The following PDE8A variants were observed in gnomAD, a reference collection of about 807,000 sequenced individuals.
The protein encoded by PDE8A is phosphodiesterase 8A.
PDE8A carries 59 observed loss-of-function variants against 105.0 expected under a neutral mutation model. The ratio of observed to expected loss-of-function variants is 0.56; its 90% confidence interval spans 0.46 to 0.70. The LOEUF is 0.70. Ranked by LOEUF, PDE8A falls within the 30% of genes least tolerant of loss-of-function variation. The pLI is 0.00. For missense variants in PDE8A, 1,014 were observed against 1,045.9 expected (o/e 0.97, Z 0.42); for synonymous variants, 355 against 371.9 (o/e 0.95, Z 0.52).
chr15:85,081,336 A>G (rs1464934448), intron 5 of PDE8A, among the ~76,000 whole-genome samples: 2 of 152,174 alleles, frequency 1.3e-5, no homozygotes, highest in East Asian at 1.9e-4. Flanking sequence ...AATCACCTGA[A>G]TAACATCCCT....
intron 3 of PDE8A, among the ~76,000 whole-genome samples, chr15:85,070,658 A>G (rs1335225197): frequency 2.0e-5 from 3 of 152,174 alleles, no homozygotes; most frequent in African/African-American, 2.4e-5. Flanking sequence ...GCTCAGTGCT[A>G]GATGGCTGCT....
At chr15:85,017,133 C>A (rs972778117) in intron 1 of PDE8A, among the ~76,000 whole-genome samples, 1 of 151,344 alleles carries the variant, frequency 6.6e-6, no homozygotes, top group African/African-American at 2.4e-5. Context: ...CGGTGGCGGG[C>A]GCCTGTAGTC....
Position 85,099,365 on chromosome 15 carries a change from C to T in PDE8A, c.942-650C>T, listed in dbSNP as rs560226874. ...CGTGCTTTGTCACCAGGCTTTGCTG[C>T]CAGTTGGTGATCGCCTCAGGGAGAT... is the stretch of plus-strand genomic sequence containing the variant. On this transcript the variant is annotated intron_variant, in intron 9 of 21. Coordinates refer to ENST00000394553, the MANE Select transcript of PDE8A (RefSeq NM_002605.3). Among the ~76,000 whole-genome samples the T allele has an allele frequency of 4.7e-4, 71 of 152,344 alleles. 1 individual carries two copies. Among genetic ancestry groups the T allele is most frequent in the Admixed American group, 4.1e-3 (62 of 15,296 alleles).
chr15:85,007,025 G>T (rs1026364884), intron 1 of PDE8A, among the ~76,000 whole-genome samples: 2 of 152,196 alleles, frequency 1.3e-5, no homozygotes, highest in Non-Finnish European at 2.9e-5. Context: ...ATCTTCAGCA[G>T]TGTTTGGCCA....
intron 1 of PDE8A, among the ~76,000 whole-genome samples, chr15:85,002,940 AC>A (rs1168800604): frequency 1.3e-5 from 2 of 152,228 alleles, no homozygotes; most frequent in Non-Finnish European, 2.9e-5. Flanking sequence ...GTGGAAGAAG[AC>A]CAAAATATGT....
chr15:85,102,422 G>T (rs984502076), intron 11 of PDE8A, among the ~76,000 whole-genome samples: 2 of 152,174 alleles, frequency 1.3e-5, no homozygotes, highest in Non-Finnish European at 2.9e-5. Flanking sequence ...AAGCCAGATT[G>T]CAGGGGCTGG....
chr15:84,989,391 A>G (rs972860460), intron 1 of PDE8A, among the ~76,000 whole-genome samples: 7 of 152,108 alleles, frequency 4.6e-5, no homozygotes, highest in Non-Finnish European at 1.0e-4. Context: ...TCTCCCTTTC[A>G]TGTCCTATTA....
intron 6 of PDE8A, among the ~76,000 whole-genome samples, chr15:85,084,179 T>G (rs193299152): frequency 7.9e-5 from 12 of 152,286 alleles, no homozygotes; most frequent in Admixed American, 2.6e-4. Flanking sequence ...TCCTATCATT[T>G]TAGGTTTCTT....
Position 85,123,069 on chromosome 15 carries a change from A to G in PDE8A, c.1961A>G (p.Tyr654Cys). 2.5e-6 allele frequency: 4 copies of G among 1,614,024 alleles called. No homozygotes were observed. The highest frequency in any genetic ancestry group is 3.4e-6 in the Non-Finnish European group (4 of 1,179,906). Reference protein sequence around the residue: ...NIFKNMERNDYRTLRQGIIDM... With the variant: ...NIFKNMERNDCRTLRQGIIDM... Reference sequence around the variant, plus strand: ...TTTGTCATCGAAAACAGGAATGATTATCGGACACTGCGCCAGGGGATTATC... The same window carrying G: ...TTTGTCATCGAAAACAGGAATGATTGTCGGACACTGCGCCAGGGGATTATC... The change falls in exon 19 of 22, where the codon TAT (tyrosine) becomes TGT (cysteine). Residue 654 changes from tyrosine (Y) to cysteine (C), a missense_variant. Tyr to Cys is a radical substitution (Grantham distance 194, BLOSUM62 -2). Coordinates refer to ENST00000394553, the MANE Select transcript of PDE8A (RefSeq NM_002605.3).
At chr15:84,981,574 C>A (rs1255354896), upstream of PDE8A, among the ~76,000 whole-genome samples, 2 of 152,182 alleles carry the variant, frequency 1.3e-5, no homozygotes, top group Non-Finnish European at 2.9e-5. Flanking sequence ...GCGGGAGCGT[C>A]TAAGGCTAGC....
chr15:85,062,168 A>G (rs755356134), intron 1 of PDE8A, among the ~76,000 whole-genome samples: 47 of 152,124 alleles, frequency 3.1e-4, no homozygotes, highest in Admixed American at 1.0e-3. Context: ...TGCTTTGTGA[A>G]TTTGTGTTGA....
At chr15:85,113,473 A>G (rs946416712) in intron 13 of PDE8A, 26 bp downstream of exon 13, 2 of 1,578,778 alleles carry the variant, frequency 1.3e-6, no homozygotes, top group Admixed American at 1.7e-5. Flanking sequence ...GTCTGTCTCC[A>G]TTGAGCACAC....
intron 8 of PDE8A, among the ~76,000 whole-genome samples, chr15:85,095,464 C>T (rs1166005736): frequency 1.3e-5 from 2 of 152,114 alleles, no homozygotes; most frequent in Non-Finnish European, 2.9e-5. Flanking sequence ...CTGCCCCAGC[C>T]TCCTGAGTAG....
intron 20 of PDE8A, among the ~76,000 whole-genome samples, chr15:85,128,112 A>C (rs2082283067): frequency 6.6e-6 from 1 of 151,910 alleles, no homozygotes; most frequent in South Asian, 2.1e-4. Context: ...AGAAATTCAT[A>C]GACCTACATA....
chr15:85,060,082 A>G (rs2081120019), intron 1 of PDE8A, among the ~76,000 whole-genome samples: 1 of 152,194 alleles, frequency 6.6e-6, no homozygotes, highest in African/African-American at 2.4e-5. Flanking sequence ...TCTGTATGTC[A>G]CATAGCTTTT....
rs1415685203 is a variant in PDE8A, at chr15:85,137,842, T to TTAAA, written c.2432_2435dup (p.Tyr812Ter). On this transcript the variant is annotated frameshift_variant, in exon 22 of 22. Coordinates refer to ENST00000394553, the MANE Select transcript of PDE8A (RefSeq NM_002605.3). LOFTEE classifies it high-confidence loss of function. ...TTAATGCAGCATCTTGACAACAACTTTAAATACTGGAAAGGACTGGACGAA... is the reference window on the plus strand; with the variant it reads ...TTAATGCAGCATCTTGACAACAACTTTAAATAAATACTGGAAAGGACTGGACGAA... 1 of 1,613,714 alleles carries TTAAA rather than the reference T, an allele frequency of 6.2e-7. No individual in the cohort carries two copies. The highest frequency in any genetic ancestry group is 1.3e-5 in the African/African-American group (1 of 74,912).
Position 85,113,923 on chromosome 15 carries a change from A to G in PDE8A, c.1236A>G (p.Thr412=), listed in dbSNP as rs765358549. The change falls in exon 14 of 22, where the codon ACA becomes ACG. Residue 412 remains threonine (T), a synonymous_variant. Coordinates refer to ENST00000394553, the MANE Select transcript of PDE8A (RefSeq NM_002605.3). ...AAQESSPMPV[T]EALDRVLEIL... Reference sequence around the variant, plus strand: ...AGGAAAGTAGTCCCATGCCTGTGACAGAAGCCCTAGACCGTGTGCTGGAAA... The same window carrying G: ...AGGAAAGTAGTCCCATGCCTGTGACGGAAGCCCTAGACCGTGTGCTGGAAA... 1 of 1,613,538 alleles carries G rather than the reference A, an allele frequency of 6.2e-7. No individual in the cohort carries two copies. The highest frequency in any genetic ancestry group is 1.1e-5 in the South Asian group (1 of 91,068).
intron 1 of PDE8A, among the ~76,000 whole-genome samples, chr15:85,058,312 C>T (rs1338542204): frequency 1.3e-5 from 2 of 152,112 alleles, no homozygotes; most frequent in Admixed American, 6.5e-5. Flanking sequence ...GTCTTGACTC[C>T]TGGCCTCAAA....
chr15:85,124,972 TG>T (rs2082237869), intron 19 of PDE8A, among the ~76,000 whole-genome samples: 1 of 152,146 alleles, frequency 6.6e-6, no homozygotes, highest in South Asian at 2.1e-4. Flanking sequence ...CAATATCCAG[TG>T]GGTCAGAGCA....
Sources: allele counts gnomAD v4.1 joint callset (sites outside exome capture counted in the v4.1 genomes callset), GRCh38; gene constraint gnomAD v4.1.1; transcripts MANE v1.5; gene names NCBI Gene and HGNC (gene_info 2026-07-23, HGNC 2026-07-21).